The following SYNDIG1L variants were observed in gnomAD, a reference collection of about 807,000 sequenced individuals.
SYNDIG1L encodes the protein synapse differentiation inducing 1 like.
In SYNDIG1L, 13 loss-of-function variants were observed where a neutral mutation model predicts 20.1. The observed-to-expected ratio is 0.65, with a 90% CI of 0.42 to 1.03. SYNDIG1L has a LOEUF of 1.03. Among genes scored for constraint, SYNDIG1L ranks in the 50% least tolerant of loss-of-function variants. SYNDIG1L has a pLI of 0.00. For missense variants in SYNDIG1L, 294 were observed against 305.1 expected, an observed-to-expected ratio of 0.96 and a Z score of 0.27; for synonymous variants, 128 against 129.3, an observed-to-expected ratio of 0.99 and a Z score of 0.07.
At chr14:74,477,606 A>G in the SYNDIG1L span, among the ~76,000 whole-genome samples, 2 of 148,062 alleles carry the variant, frequency 1.4e-5, no homozygotes, top group Non-Finnish European at 3.0e-5. Context: ...AAATTACTCC[A>G]TGCTTGTTGC....
chr14:74,439,704 AC>A, the SYNDIG1L span, among the ~76,000 whole-genome samples: 2 of 151,584 alleles, frequency 1.3e-5, no homozygotes, highest in East Asian at 3.9e-4. Context: ...AATTGGAGAA[AC>A]CCCGTCTCTA....
chr14:74,462,878 C>T, the SYNDIG1L span, among the ~76,000 whole-genome samples: 11 of 152,170 alleles, frequency 7.2e-5, no homozygotes, highest in African/African-American at 2.7e-4. Context: ...GTAACCCCCT[C>T]ATGGGTCAAG....
chr14:74,418,999 G>C lies in SYNDIG1L; in HGVS notation c.-58+6913C>G, dbSNP rs536483456. On this transcript the variant is annotated intron_variant, in intron 1 of 3. Coordinates refer to ENST00000331628, the MANE Select transcript of SYNDIG1L (RefSeq NM_001105579.2). ...TGTTGTTTTAAGCCACCAGGTTTTG[G>C]GGTAGTTGGGCAGCAACAGATCACT... is the stretch of plus-strand genomic sequence containing the variant. Among the ~76,000 whole-genome samples the C allele has an allele frequency of 3.3e-4, 50 of 152,296 alleles. 2 individuals are homozygous for C. Among genetic ancestry groups the C allele is most frequent in the African/African-American group, 1.2e-3 (50 of 41,554 alleles).
At chr14:74,451,818 C>T in the SYNDIG1L span, among the ~76,000 whole-genome samples, 1,783 of 151,894 alleles carry the variant, frequency 0.012, 48 homozygotes, top group African/African-American at 0.041. Flanking sequence ...AGCAAAACCC[C>T]GTCTCTACTA....
At chr14:74,422,309 G>C (rs921227009) in intron 1 of SYNDIG1L, among the ~76,000 whole-genome samples, 11 of 152,128 alleles carry the variant, frequency 7.2e-5, no homozygotes, top group Non-Finnish European at 1.5e-4. Flanking sequence ...AACGGCGGGG[G>C]TGAAGATCAG....
chr14:74,409,270 G>T (rs956483129), intron 2 of SYNDIG1L, 58 bp downstream of exon 2: 6 of 1,249,670 alleles, frequency 4.8e-6, no homozygotes, highest in Non-Finnish European at 6.5e-6. Flanking sequence ...TTTTTGTAGA[G>T]TCGGGGTCTC....
chr14:74,410,525 G>A (rs2086122331), intron 1 of SYNDIG1L, among the ~76,000 whole-genome samples: 1 of 152,180 alleles, frequency 6.6e-6, no homozygotes, highest in African/African-American at 2.4e-5. Flanking sequence ...TGTGTGGGGA[G>A]TGGACTGCAG....
At chr14:74,409,057 T>A (rs986664704) in intron 2 of SYNDIG1L, among the ~76,000 whole-genome samples, 3 of 145,546 alleles carry the variant, frequency 2.1e-5, no homozygotes, top group Non-Finnish European at 3.0e-5. Context: ...ATTTTATTTA[T>A]TTATTTATTT....
Position 74,415,500 on chromosome 14 carries a change from T to TA in SYNDIG1L, c.-57-5700dup, listed in dbSNP as rs113661117. On this transcript the variant is annotated intron_variant, in intron 1 of 3. Coordinates refer to ENST00000331628, the MANE Select transcript of SYNDIG1L (RefSeq NM_001105579.2). ...GCTCTGATAGTCACTGAAAAAAGAG[T>TA]AAAAAAATGTATAACCACTATGAGG... is the stretch of plus-strand genomic sequence containing the variant. Among the ~76,000 whole-genome samples, 424 of 152,138 alleles carry TA rather than the reference T, an allele frequency of 2.8e-3. 5 individuals carry two copies. Among genetic ancestry groups the TA allele is most frequent in the Middle Eastern group, 0.01 (3 of 294 alleles).
the SYNDIG1L span, among the ~76,000 whole-genome samples, chr14:74,456,564 T>C: frequency 6.6e-6 from 1 of 152,022 alleles, no homozygotes; most frequent in Non-Finnish European, 1.5e-5. Flanking sequence ...TAAAATAAAA[T>C]AAAATAAAGA....
the SYNDIG1L span, among the ~76,000 whole-genome samples, chr14:74,470,356 G>A: frequency 6.6e-6 from 1 of 152,152 alleles, no homozygotes; most frequent in Admixed American, 6.5e-5. Flanking sequence ...TTTTGCCTGT[G>A]GGTCTGGTCC....
chr14:74,425,465 T>G (rs2086256956), intron 1 of SYNDIG1L, among the ~76,000 whole-genome samples: 1 of 152,184 alleles, frequency 6.6e-6, no homozygotes, highest in Non-Finnish European at 1.5e-5. Flanking sequence ...CAGAGAAATC[T>G]CAGAGCAGGG....
intron 1 of SYNDIG1L, among the ~76,000 whole-genome samples, chr14:74,410,747 A>T (rs547699111): frequency 4.6e-5 from 7 of 152,122 alleles, no homozygotes; most frequent in Non-Finnish European, 8.8e-5. Context: ...GGCACACGGC[A>T]TGTGCTCACA....
chr14:74,407,339 G>T lies in SYNDIG1L; in HGVS notation c.*196C>A. 2 of 779,108 alleles carry T rather than the reference G, an allele frequency of 2.6e-6. No homozygotes were observed. The highest frequency in any genetic ancestry group is 4.0e-6 in the Non-Finnish European group (2 of 499,078). The allele number at this position is 779,108 out of a possible 1,614,324, so 48.3% of individuals were successfully genotyped here. A position where few individuals can be genotyped will look rare whatever the true frequency, so the allele number is the denominator to read the frequency against. On this transcript the variant is annotated 3_prime_UTR_variant, in exon 4 of 4. Transcript: ENST00000331628. Reference sequence around the variant, plus strand: ...GTTAGAGAGTGGCGCCCCGGGCCCTGCTCTGGGGCTGGGAGCAGCGGGCAA... The same window carrying T: ...GTTAGAGAGTGGCGCCCCGGGCCCTTCTCTGGGGCTGGGAGCAGCGGGCAA...
At chr14:74,455,954 C>T in the SYNDIG1L span, among the ~76,000 whole-genome samples, 3 of 152,168 alleles carry the variant, frequency 2.0e-5, no homozygotes, top group Non-Finnish European at 4.4e-5. Context: ...CCCAGCCCCA[C>T]GAAGCAAACA....
upstream of SYNDIG1L, among the ~76,000 whole-genome samples, chr14:74,426,893 C>T (rs967584810): frequency 2.0e-5 from 3 of 151,998 alleles, no homozygotes; most frequent in Non-Finnish European, 4.4e-5. Context: ...TAACCTCGAG[C>T]AAGTTACCTA....
At chr14:74,454,579 T>C in the SYNDIG1L span, among the ~76,000 whole-genome samples, 8 of 151,914 alleles carry the variant, frequency 5.3e-5, no homozygotes, top group Non-Finnish European at 1.2e-4. Flanking sequence ...CAACACAACC[T>C]GTAGGTAATT....
the SYNDIG1L span, among the ~76,000 whole-genome samples, chr14:74,472,731 G>A: frequency 2.0e-5 from 3 of 152,198 alleles, no homozygotes; most frequent in South Asian, 6.2e-4. Context: ...GAGAAATGAG[G>A]ATGAGTAGGA....
chr14:74,452,050 G>A, the SYNDIG1L span, among the ~76,000 whole-genome samples: 1 of 142,534 alleles, frequency 7.0e-6, no homozygotes, highest in African/African-American at 2.5e-5. Flanking sequence ...AACAACTCAT[G>A]TTTTTTAAAT....
Sources: allele counts gnomAD v4.1 joint callset (sites outside exome capture counted in the v4.1 genomes callset), GRCh38; gene constraint gnomAD v4.1.1; transcripts MANE v1.5; gene names NCBI Gene and HGNC (gene_info 2026-07-23, HGNC 2026-07-21).